FOXJ3: variants seen among roughly 807,000 people sequenced by gnomAD.
The protein encoded by FOXJ3 is forkhead box J3, also known as forkhead box protein J3.
A neutral mutation model predicts 76.1 loss-of-function variants in FOXJ3; 22 were observed. The observed-to-expected ratio is 0.29, with a 90% CI of 0.21 to 0.41. The LOEUF (loss-of-function observed/expected upper bound fraction) is 0.41, where lower values mean the gene tolerates loss of function less well. Among genes scored for constraint, FOXJ3 ranks in the 10% least tolerant of loss-of-function variants. FOXJ3 has a pLI of 1.00. For missense variants in FOXJ3, 613 were observed against 762.1 expected (o/e 0.80, Z 2.30); for synonymous variants, 269 against 261.2 (o/e 1.03, Z -0.29).
intron 1 of FOXJ3, among the ~76,000 whole-genome samples, chr1:42,332,497 A>G (rs1204602504): frequency 2.0e-5 from 3 of 152,172 alleles, no homozygotes; most frequent in African/African-American, 4.8e-5. Context: ...CCACTATCTT[A>G]TATCAGACCC....
chr1:42,290,368 A>C (rs1478431291), intron 2 of FOXJ3, among the ~76,000 whole-genome samples: 1 of 152,176 alleles, frequency 6.6e-6, no homozygotes, highest in Non-Finnish European at 1.5e-5. Flanking sequence ...GTAACAGTGC[A>C]TCAGTCATTA....
intron 3 of FOXJ3, among the ~76,000 whole-genome samples, chr1:42,276,649 G>A (rs1246213608): frequency 1.3e-5 from 2 of 152,024 alleles, no homozygotes; most frequent in Non-Finnish European, 2.9e-5. Context: ...TCAAAGTTGA[G>A]GACTTACTGT....
intron 1 of FOXJ3, among the ~76,000 whole-genome samples, chr1:42,316,349 T>TTTTTTTTC (rs1553169820): frequency 7.4e-6 from 1 of 135,090 alleles, no homozygotes; most frequent in Non-Finnish European, 1.6e-5. Flanking sequence ...TTTTTTTTTT[T>TTTTTTTTC]CTGTAGAAAC....
At chr1:42,199,318 A>C (rs1358814857) in intron 6 of FOXJ3, 88 bp from the exon 7 acceptor site, 1 of 1,160,088 alleles carries the variant, frequency 8.6e-7, no homozygotes, top group Admixed American at 2.0e-5. Context: ...GCATATGGCA[A>C]GAAGAAAAAA....
At chr1:42,240,638 G>C (rs1057476732) in intron 4 of FOXJ3, among the ~76,000 whole-genome samples, 1 of 152,132 alleles carries the variant, frequency 6.6e-6, no homozygotes, top group Non-Finnish European at 1.5e-5. Flanking sequence ...AACAACTGGT[G>C]CCAGGAAAAT....
chr1:42,215,746 T>G (rs749177572), intron 5 of FOXJ3, among the ~76,000 whole-genome samples: 39 of 152,142 alleles, frequency 2.6e-4, no homozygotes, highest in Non-Finnish European at 4.7e-4. Flanking sequence ...GACTAGGAAA[T>G]GACTGTGGAT....
chr1:42,256,586 A>C (rs993197516), intron 4 of FOXJ3, among the ~76,000 whole-genome samples: 2 of 152,234 alleles, frequency 1.3e-5, no homozygotes, highest in African/African-American at 4.8e-5. Context: ...GTAATAACCA[A>C]CTGTTGGCCA....
At chr1:42,315,375 A>G (rs1557719735) in intron 1 of FOXJ3, 1 of 974,350 alleles carries the variant, frequency 1.0e-6, no homozygotes, top group African/African-American at 1.8e-5. Flanking sequence ...TTTTAAAGGT[A>G]CTGTCTTGCT....
intron 1 of FOXJ3, among the ~76,000 whole-genome samples, chr1:42,324,788 TAAC>T (rs796164539): frequency 9.9e-5 from 15 of 152,284 alleles, no homozygotes; most frequent in African/African-American, 3.6e-4. Flanking sequence ...ATAGGACACT[TAAC>T]AATGAATGGA....
chr1:42,182,747 C>T (rs1373766628), intron 11 of FOXJ3, among the ~76,000 whole-genome samples: 1 of 152,148 alleles, frequency 6.6e-6, no homozygotes, highest in Non-Finnish European at 1.5e-5. Context: ...ATCCACCTGT[C>T]TCAGCCTCCC....
chr1:42,287,508 A>T (rs1043694002), intron 2 of FOXJ3, among the ~76,000 whole-genome samples: 2 of 152,188 alleles, frequency 1.3e-5, no homozygotes, highest in African/African-American at 4.8e-5. Context: ...TCTCTAAGTT[A>T]AAAGTCCAGA....
intron 4 of FOXJ3, among the ~76,000 whole-genome samples, chr1:42,252,171 T>A (rs12084377): frequency 6.6e-6 from 1 of 152,134 alleles, no homozygotes; most frequent in Non-Finnish European, 1.5e-5. Flanking sequence ...TCTTTTCCTA[T>A]TGATTGGAAT....
intron 2 of FOXJ3, among the ~76,000 whole-genome samples, chr1:42,308,120 T>C (rs1435364870): frequency 6.6e-6 from 1 of 152,218 alleles, no homozygotes; most frequent in African/African-American, 2.4e-5. Context: ...AACTCCCACC[T>C]GCCTATCCAT....
chr1:42,327,992 G>A (rs1655938731), intron 1 of FOXJ3, among the ~76,000 whole-genome samples: 1 of 152,118 alleles, frequency 6.6e-6, no homozygotes, highest in Non-Finnish European at 1.5e-5. Flanking sequence ...TTTCTGGAGA[G>A]ACTCTCTAAA....
chr1:42,261,398 T>C (rs1651027215), intron 4 of FOXJ3, among the ~76,000 whole-genome samples: 1 of 152,080 alleles, frequency 6.6e-6, no homozygotes, highest in South Asian at 2.1e-4. Flanking sequence ...ATTTTGTGTG[T>C]GTGTGTGTTT....
chr1:42,210,316 G>A (rs534554956), intron 5 of FOXJ3, among the ~76,000 whole-genome samples: 30 of 152,182 alleles, frequency 2.0e-4, no homozygotes, highest in African/African-American at 6.5e-4. Context: ...CCCTTCACTC[G>A]CCCTGGTAGC....
At chr1:42,251,704 G>GTTTTTTTTTTT (rs1347616933) in intron 4 of FOXJ3, among the ~76,000 whole-genome samples, 1 of 104,596 alleles carries the variant, frequency 9.6e-6, no homozygotes, top group African/African-American at 3.9e-5. Context: ...CGGTTTGCCA[G>GTTTTTTTTTTT]TATTTTTTTT....
chr1:42,293,305 G>A (rs367598389), intron 2 of FOXJ3, among the ~76,000 whole-genome samples: 4 of 150,708 alleles, frequency 2.7e-5, no homozygotes, highest in Non-Finnish European at 4.4e-5. Context: ...TGTATCCAGA[G>A]TATTTAGAGA....
intron 4 of FOXJ3, among the ~76,000 whole-genome samples, chr1:42,259,820 C>T (rs1398039161): frequency 6.6e-6 from 1 of 152,136 alleles, no homozygotes; most frequent in African/African-American, 2.4e-5. Context: ...CTGACTCGTC[C>T]CTCAGCTAAA....
Sources: allele counts gnomAD v4.1 joint callset (sites outside exome capture counted in the v4.1 genomes callset), GRCh38; gene constraint gnomAD v4.1.1; transcripts MANE v1.5; gene names NCBI Gene and HGNC (gene_info 2026-07-23, HGNC 2026-07-21).